SLC12A7: variants seen among roughly 807,000 people sequenced by gnomAD.
SLC12A7 encodes the protein K-Cl cotransporter 4.
In SLC12A7, 100 loss-of-function variants were observed where a neutral mutation model predicts 120.6. The ratio of observed to expected loss-of-function variants is 0.83; its 90% CI spans 0.71 to 0.98. SLC12A7 has a LOEUF of 0.98. Among genes scored for constraint, SLC12A7 ranks in the 50% least tolerant of loss-of-function variants. SLC12A7 has a pLI of 0.00. For missense variants in SLC12A7, 1,373 were observed against 1,548.1 expected (o/e 0.89, Z 1.90); for synonymous variants, 760 against 678.0 (o/e 1.12, Z -1.88).
intron 18 of SLC12A7, 131 bp downstream of exon 18, chr5:1,065,152 G>A: frequency 2.5e-6 from 2 of 796,170 alleles, no homozygotes; most frequent in Non-Finnish European, 4.0e-6. Context: ...AGGGGACAGT[G>A]GGGACGAAAA....
chr5:1,153,151 C>T, the SLC12A7 span, among the ~76,000 whole-genome samples: 10 of 152,298 alleles, frequency 6.6e-5, no homozygotes, highest in Admixed American at 3.3e-4. Context: ...GCCAGGCAGC[C>T]GCATGGCCGT....
At chr5:1,126,526 G>A in the SLC12A7 span, among the ~76,000 whole-genome samples, 1 of 152,028 alleles carries the variant, frequency 6.6e-6, no homozygotes, top group African/African-American at 2.4e-5. Context: ...ACATATTCAC[G>A]TTTATTACAC....
chr5:1,147,945 G>A, the SLC12A7 span, among the ~76,000 whole-genome samples: 1 of 151,712 alleles, frequency 6.6e-6, no homozygotes, highest in African/African-American at 2.4e-5. Flanking sequence ...ATGTTGCCCA[G>A]GGTGGTCTTG....
the SLC12A7 span, among the ~76,000 whole-genome samples, chr5:1,126,113 G>A: frequency 5.3e-5 from 8 of 152,064 alleles, no homozygotes; most frequent in African/African-American, 1.9e-4. Context: ...TTTTGAGACA[G>A]AGTCCCACTC....
Position 1,109,932 on chromosome 5 carries a change from T to C in SLC12A7, c.124+1936A>G, listed in dbSNP as rs192227239. 4.6e-5 allele frequency among the ~76,000 whole-genome samples: 7 copies of C among 152,366 alleles called. No homozygotes were observed. In the East Asian group the frequency reaches 1.3e-3, roughly 29 times the overall value. On this transcript the variant is annotated intron_variant, in intron 1 of 23. Coordinates refer to ENST00000264930, the MANE Select transcript of SLC12A7 (RefSeq NM_006598.3). ...ACAGTTTTGGACCTGGCCTGTGACC[T>C]TGTGGTGTGGACCCCACACAGAAGG...
At chr5:1,132,947 G>A in the SLC12A7 span, among the ~76,000 whole-genome samples, 1 of 152,212 alleles carries the variant, frequency 6.6e-6, no homozygotes, top group Non-Finnish European at 1.5e-5. Context: ...GTCTCGCTCT[G>A]TCATCTAGGC....
chr5:1,105,510 G>C (rs558949351), intron 1 of SLC12A7, among the ~76,000 whole-genome samples: 72 of 152,354 alleles, frequency 4.7e-4, no homozygotes, highest in African/African-American at 1.7e-3. Flanking sequence ...AGGACCCTTG[G>C]GGAGTCAGCG....
chr5:1,152,624 G>GAGAAGGGAGACCCCCAAGCTAC, the SLC12A7 span, among the ~76,000 whole-genome samples: 1 of 152,144 alleles, frequency 6.6e-6, no homozygotes. Flanking sequence ...CCCCAAGCTA[G>GAGAAGGGAGACCCCCAAGCTAC]AGAACGGAGA....
chr5:1,085,516 C>T (rs1324833587), intron 6 of SLC12A7, 43 bp from the exon 7 acceptor site: 3 of 1,533,766 alleles, frequency 2.0e-6, no homozygotes, highest in Non-Finnish European at 2.6e-6. Flanking sequence ...CCGGACACAA[C>T]TCCCCAGTGC....
In SLC12A7 at chr5:1,076,749, A is replaced by G. The variant is rs1333914149; in HGVS notation, c.1693T>C (p.Cys565Arg). The G allele has an allele frequency of 1.9e-6, 3 of 1,611,594 alleles. No homozygotes were observed. The African/African-American group carries it at 4.0e-5, about 22-fold the overall frequency. Residue 565 changes from cysteine (C) to arginine (R), a missense_variant, in exon 13 of 24, where the codon TGC (cysteine) becomes CGC (arginine). Transcript: ENST00000264930. ...TWALLLTVLI[C>R]ETGILIASLD... is the part of the protein sequence containing the mutation. ...GAGGCGATGAGGATGCCAGTCTCGC[A>G]GATGAGGACTGTCAGCAGCAGCGCC...
chr5:1,108,822 G>A (rs1465809059), intron 1 of SLC12A7, among the ~76,000 whole-genome samples: 11 of 152,250 alleles, frequency 7.2e-5, no homozygotes, highest in Non-Finnish European at 1.2e-4. Context: ...CTCCCAACAC[G>A]GACACGGTAG....
In SLC12A7 at chr5:1,063,937, G is replaced by T; in HGVS notation, c.2646C>A (p.Ala882=). The T allele has an allele frequency of 6.2e-7, 1 of 1,612,564 alleles. No individual in the cohort carries two copies. Among genetic ancestry groups the T allele is most frequent in the Non-Finnish European group, 8.5e-7 (1 of 1,179,830 alleles). The change falls in exon 20 of 24, where the codon GCC becomes GCA. Residue 882 remains alanine (A), a synonymous_variant. Coordinates refer to ENST00000264930, the MANE Select transcript of SLC12A7 (RefSeq NM_006598.3). ...TCTGGATGCTGTTGTCGTCCACCTG[G>T]GCCACGGTGAAGATACGCATCCGGC... ...RKCRMRIFTV[A]QVDDNSIQMK...
chr5:1,052,671 CGT>C (rs1735176378), intron 23 of SLC12A7, among the ~76,000 whole-genome samples: 1 of 152,102 alleles, frequency 6.6e-6, no homozygotes. Context: ...GAGGGAGCAC[CGT>C]GGCCACAGGG....
intron 1 of SLC12A7, among the ~76,000 whole-genome samples, chr5:1,109,987 A>AC (rs1331384069): frequency 1.3e-5 from 2 of 151,302 alleles, no homozygotes; most frequent in African/African-American, 2.4e-5. Context: ...CTTCTGCAGG[A>AC]CCCCCGCCCC....
At chr5:1,106,156 G>C (rs949721317) in intron 1 of SLC12A7, among the ~76,000 whole-genome samples, 1 of 152,256 alleles carries the variant, frequency 6.6e-6, no homozygotes, top group African/African-American at 2.4e-5. Flanking sequence ...GCACAGCTTA[G>C]AAAATTCATA....
At chr5:1,078,942 C>T (rs935687888) in intron 10 of SLC12A7, among the ~76,000 whole-genome samples, 184 bp from the exon 11 acceptor site, 1 of 152,092 alleles carries the variant, frequency 6.6e-6, no homozygotes, top group Admixed American at 6.6e-5. Context: ...GTGTCCTCAG[C>T]GCACCCTCCT....
At chr5:1,151,373 G>A in the SLC12A7 span, among the ~76,000 whole-genome samples, 1 of 152,218 alleles carries the variant, frequency 6.6e-6, no homozygotes, top group Non-Finnish European at 1.5e-5. The surrounding 1 kb of genome is among the most constrained non-coding windows in gnomAD (Gnocchi z 6.2). Flanking sequence ...AGTGGGCGCC[G>A]TTGCTAAGCT....
intron 21 of SLC12A7, among the ~76,000 whole-genome samples, chr5:1,059,769 G>A (rs1735993193): frequency 1.5e-5 from 2 of 137,894 alleles, no homozygotes. Flanking sequence ...GGGGGGTGGG[G>A]GGTGGGGGGG....
chr5:1,101,649 A>G (rs1308626443), intron 1 of SLC12A7, among the ~76,000 whole-genome samples: 1 of 152,200 alleles, frequency 6.6e-6, no homozygotes, highest in Non-Finnish European at 1.5e-5. Context: ...TATTATAAAA[A>G]CGACCCCAGG....
Sources: allele counts gnomAD v4.1 joint callset (sites outside exome capture counted in the v4.1 genomes callset), GRCh38; gene constraint gnomAD v4.1.1; non-coding constraint Gnocchi (gnomAD v3.1); transcripts MANE v1.5; gene names NCBI Gene and HGNC (gene_info 2026-07-23, HGNC 2026-07-21).